Variants in TKT observed in about 807,000 individuals in gnomAD.
The protein encoded by TKT is epididymis luminal protein 107.
In TKT, 47 loss-of-function variants were observed where a neutral mutation model predicts 63.9. The ratio of observed to expected loss-of-function variants is 0.74; its 90% CI spans 0.58 to 0.94. The LOEUF is 0.94. Ranked by LOEUF, TKT falls within the 40% of genes least tolerant of loss-of-function variation. The probability of loss-of-function intolerance (pLI) is 0.00; values close to 1 mark genes in which losing one functional copy is unlikely to be tolerated. For synonymous variants in TKT, 338 were observed against 334.1 expected, an observed-to-expected ratio of 1.01 and a Z score of -0.13; for missense variants, 721 against 846.2, an observed-to-expected ratio of 0.85 and a Z score of 1.84.
chr3:53,226,216 G>A lies in TKT; in HGVS notation c.1697-285C>T, dbSNP rs148730860. On this transcript the variant is annotated intron_variant, in intron 13 of 13. Coordinates refer to ENST00000462138, the MANE Select transcript of TKT (RefSeq NM_001064.4). ...ATTGCAGGTGTGAGCCACCATGCAC[G>A]GCCCAGAACTATTTTTATAAGCCCA... 649 of 357,042 alleles carry A rather than the reference G, an allele frequency of 1.8e-3. 6 individuals are homozygous for A. The East Asian group carries it at 0.029, about 16-fold the overall frequency. The allele number at this position is 357,042 out of a possible 1,614,324, so 22.1% of individuals were successfully genotyped here.
intron 6 of TKT, chr3:53,231,836 G>A (rs1704777952): frequency 4.4e-6 from 2 of 449,672 alleles, no homozygotes; most frequent in African/African-American, 3.9e-5. Context: ...TGTGTTTCTG[G>A]GCCCACTGCC....
chr3:53,252,674 G>A (rs1016344292), intron 1 of TKT, among the ~76,000 whole-genome samples: 2 of 152,098 alleles, frequency 1.3e-5, no homozygotes, highest in African/African-American at 4.8e-5. Flanking sequence ...CAAAGAACTA[G>A]GAGACACACT....
At chr3:53,234,803 T>C (rs1360651401) in intron 5 of TKT, 180 bp downstream of exon 5, 3 of 573,692 alleles carry the variant, frequency 5.2e-6, no homozygotes, top group Non-Finnish European at 8.5e-6. Context: ...GGCCCACATA[T>C]CCTGAGCCAT....
At chr3:53,248,201 C>T (rs1705598365) in intron 1 of TKT, among the ~76,000 whole-genome samples, 1 of 152,156 alleles carries the variant, frequency 6.6e-6, no homozygotes, top group Non-Finnish European at 1.5e-5. Context: ...GAGGATGGGG[C>T]CACTAAGGTT....
intron 13 of TKT, chr3:53,226,420 C>T (rs1704500702): frequency 6.1e-6 from 2 of 325,778 alleles, no homozygotes; most frequent in Non-Finnish European, 1.2e-5. Context: ...CTCACAAATA[C>T]CAGAAATTCT....
intron 2 of TKT, 27 bp from the exon 3 acceptor site, chr3:53,241,272 G>C: frequency 6.3e-7 from 1 of 1,581,610 alleles, no homozygotes. Flanking sequence ...GGTGGGGTGA[G>C]GTCAGGTGGG....
chr3:53,228,596 G>T, intron 10 of TKT: 1 of 540,250 alleles, frequency 1.9e-6, no homozygotes, highest in Non-Finnish European at 3.3e-6. Context: ...CAGGTAGACT[G>T]GCTGCAGGTG....
chr3:53,231,604 G>C, intron 6 of TKT, 54 bp from the exon 7 acceptor site: 1 of 1,550,570 alleles, frequency 6.4e-7, no homozygotes. Flanking sequence ...AGCTCCCAGA[G>C]GGCCAGGAGG....
At chr3:53,232,426 A>G (rs886846144) in intron 6 of TKT, 8 of 398,778 alleles carry the variant, frequency 2.0e-5, no homozygotes, top group African/African-American at 1.4e-4. Context: ...CCCTGAGAGC[A>G]GGCAGGTGGG....
intron 1 of TKT, among the ~76,000 whole-genome samples, chr3:53,254,320 G>A (rs1332153501): frequency 6.6e-6 from 1 of 152,178 alleles, no homozygotes; most frequent in Non-Finnish European, 1.5e-5. Flanking sequence ...AGTAAGCCAG[G>A]TCCCTGCCCA....
chr3:53,247,633 C>CAAAAAAA lies in TKT; in HGVS notation c.108-5398_108-5392dup, dbSNP rs3075723. ...CCAGCCTAGGCAACAGACTCCACCT[C>CAAAAAAA]AAAAAAAAAAAAAAAAAAAAAAAAT... On this transcript the variant is annotated intron_variant, in intron 1 of 13. Coordinates refer to ENST00000462138, the MANE Select transcript of TKT (RefSeq NM_001064.4). 5.8e-4 allele frequency among the ~76,000 whole-genome samples: 39 copies of CAAAAAAA among 66,960 alleles called. 1 individual carries two copies. In the South Asian group the frequency reaches 7.0e-3, roughly 12 times the overall value. The allele number at this position is 66,960 out of a possible 152,430, so 43.9% of individuals were successfully genotyped here.
rs562072562 is a variant in TKT at position 53,245,415 on chromosome 3, C to T, written c.108-3173G>A. 2.0e-5 allele frequency among the ~76,000 whole-genome samples: 3 copies of T among 152,272 alleles called. No individual in the cohort carries two copies. In the East Asian group the frequency reaches 5.8e-4, roughly 29 times the overall value. On this transcript the variant is annotated intron_variant, in intron 1 of 13. Transcript: ENST00000462138. ...TCTGTCATCGCTTTAGTGCTCACTCCACCTGCTCACAGGTTTCTATGCAAG... is the reference window on the plus strand; with the variant it reads ...TCTGTCATCGCTTTAGTGCTCACTCTACCTGCTCACAGGTTTCTATGCAAG...
intron 8 of TKT, among the ~76,000 whole-genome samples, chr3:53,230,128 G>A (rs1704677778): frequency 1.3e-5 from 2 of 152,172 alleles, no homozygotes; most frequent in South Asian, 4.1e-4. Context: ...ACCCATCACG[G>A]CCCCACCTAC....
At position 53,227,882 on chromosome 3, in the gene TKT, C is replaced by T. The variant is rs190268855; in HGVS notation, c.1573+174G>A. On this transcript the variant is annotated intron_variant, in intron 12 of 13. Coordinates refer to ENST00000462138, the MANE Select transcript of TKT (RefSeq NM_001064.4). ...CCCCAGGACTTAGCAACATGCCAGA[C>T]AGAACAAGTGCTCAAAGGATGGCTA... 315 of 607,868 alleles carry T rather than the reference C, an allele frequency of 5.2e-4. 1 individual carries two copies. The African/African-American group carries it at 5.2e-3, about 10-fold the overall frequency. The allele number at this position is 607,868 out of a possible 1,614,324, so 37.7% of individuals were successfully genotyped here.
chr3:53,227,376 G>T, intron 12 of TKT: 1 of 160,190 alleles, frequency 6.2e-6, no homozygotes. Context: ...CCCTGCCTGG[G>T]GATGGACTCC....
intron 1 of TKT, among the ~76,000 whole-genome samples, chr3:53,251,973 C>T (rs1705769705): frequency 1.3e-5 from 2 of 152,172 alleles, no homozygotes; most frequent in Non-Finnish European, 2.9e-5. Flanking sequence ...CCCGTCTCTA[C>T]GGGGTAAAAA....
chr3:53,233,282 CAGGGGGCAGAGAGTA>C lies in TKT; in HGVS notation c.630-23_630-9del. 1 of 1,606,186 alleles carries C rather than the reference CAGGGGGCAGAGAGTA, an allele frequency of 6.2e-7. No homozygotes were observed. ...ACGATGATGGCATGCCAACTGGGGA[CAGGGGGCAGAGAGTA>C]AGGGGCAATTCCCAGGGGCCACAAC... is the stretch of plus-strand genomic sequence containing the variant. On this transcript the variant is annotated splice_polypyrimidine_tract_variant and intron_variant, in intron 5 of 13. Coordinates refer to ENST00000462138, the MANE Select transcript of TKT (RefSeq NM_001064.4).
In TKT at chr3:53,229,176, CT is replaced by C. The variant is rs777160516; in HGVS notation, c.1265-40del. On this transcript the variant is annotated intron_variant, in intron 9 of 13. Transcript: ENST00000462138. ...GAAAGGATATGCAGAAATAAGACCC[CT>C]ACCCCCCCATCCATGGGCTGGAATC... 1.8e-3 allele frequency: 2,839 copies of C among 1,613,704 alleles called. 11 individuals are homozygous for C. The highest frequency in any genetic ancestry group is 1.5e-3 in the Non-Finnish European group (1,755 of 1,179,776).
chr3:53,248,334 T>G (rs1196020759), intron 1 of TKT, among the ~76,000 whole-genome samples: 4 of 152,162 alleles, frequency 2.6e-5, no homozygotes, highest in Non-Finnish European at 4.4e-5. Flanking sequence ...CAACGGAATA[T>G]TCAGCCGTAA....
Sources: gnomAD v4.1 joint callset for allele counts (sites outside exome capture counted in the v4.1 genomes callset) on GRCh38, gnomAD v4.1.1 for gene constraint, MANE v1.5 for transcripts, NCBI Gene and HGNC (gene_info 2026-07-23, HGNC 2026-07-21) for gene names.